The following CRPPA variants were observed in gnomAD, a reference collection of about 807,000 sequenced individuals.
The protein encoded by CRPPA is CDP-L-ribitol pyrophosphorylase A, also known as D-ribitol-5-phosphate cytidylyltransferase.
A neutral mutation model predicts 52.0 loss-of-function variants in CRPPA; 43 were observed. That is an observed-to-expected ratio of 0.83 (90% CI 0.65 to 1.07). The LOEUF (loss-of-function observed/expected upper bound fraction) is 1.07. Among genes scored for constraint, CRPPA ranks in the 50% least tolerant of loss-of-function variants. CRPPA has a pLI of 0.00. For missense variants in CRPPA, 629 were observed against 551.7 expected (o/e 1.14, Z -1.40); for synonymous variants, 250 against 203.5 (o/e 1.23, Z -1.94).
At chr7:16,172,819 A>C in intron 9 of CRPPA, among the ~76,000 whole-genome samples, 1 of 152,306 alleles carries the variant, frequency 6.6e-6, no homozygotes, top group South Asian at 2.1e-4. Context: ...AGAAAAATCA[A>C]TTTAAGTATC....
intron 4 of CRPPA, among the ~76,000 whole-genome samples, chr7:16,307,523 A>C (rs1164429798): frequency 6.6e-6 from 1 of 151,880 alleles, no homozygotes; most frequent in Non-Finnish European, 1.5e-5. Flanking sequence ...CTCTACTAAA[A>C]ATACAAAAAT....
chr7:16,408,748 T>G (rs944291596), intron 1 of CRPPA, among the ~76,000 whole-genome samples: 1 of 152,158 alleles, frequency 6.6e-6, no homozygotes, highest in East Asian at 1.9e-4. Context: ...TTTTGAAATA[T>G]GGAGATGGTC....
rs2128321593 is a variant in CRPPA at position 16,421,422 on chromosome 7, G to A, written c.-100C>T. On this transcript the variant is annotated 5_prime_UTR_variant, in exon 1 of 10. Coordinates refer to ENST00000407010, the MANE Select transcript of CRPPA (RefSeq NM_001101426.4). ...GTCGCGGGGCGAAGGGCAGACCACG[G>A]AGAGGGACGCAGAGCGCGCAAGCAG... The A allele has an allele frequency of 8.8e-7, 1 of 1,138,402 alleles. No homozygotes were observed. The highest frequency in any genetic ancestry group is 1.6e-5 in the African/African-American group (1 of 62,134). 70.5% of individuals were successfully genotyped at this position (1,138,402 alleles called of 1,614,324 possible). A position where few individuals can be genotyped will look rare whatever the true frequency, so the allele number is the denominator to read the frequency against.
In CRPPA at chr7:16,087,984, A is replaced by T. The variant is rs1215812878; in HGVS notation, c.*3711T>A. ...TTGAGTTATAAGTTAGGGAAGAAAA[A>T]ATTTCTGTTAAATTAATGTAAAATA... On this transcript the variant is annotated 3_prime_UTR_variant, in exon 10 of 10. Coordinates refer to ENST00000407010, the MANE Select transcript of CRPPA (RefSeq NM_001101426.4). The T allele has an allele frequency of 1.3e-5, 2 of 152,144 alleles. No individual in the cohort carries two copies. Among genetic ancestry groups the T allele is most frequent in the Admixed American group, 1.3e-4 (2 of 15,284 alleles). The allele number at this position is 152,144 out of a possible 1,614,324, so 9.4% of individuals were successfully genotyped here.
At chr7:16,378,475 G>A (rs1183900454) in intron 2 of CRPPA, among the ~76,000 whole-genome samples, 2 of 151,694 alleles carry the variant, frequency 1.3e-5, no homozygotes, top group African/African-American at 2.4e-5. Context: ...ATTCTATGGT[G>A]TATATGTGCC....
At chr7:16,288,845 CAAAAAAAAAA>C (rs71007760) in intron 5 of CRPPA, among the ~76,000 whole-genome samples, 1 of 34,840 alleles carries the variant, frequency 2.9e-5, no homozygotes, top group African/African-American at 1.1e-4. Flanking sequence ...GACTCTGCCT[CAAAAAAAAAA>C]AAAAAAAAAA....
chr7:16,316,077 T>A (rs1298157617), intron 3 of CRPPA, among the ~76,000 whole-genome samples: 2 of 152,034 alleles, frequency 1.3e-5, no homozygotes, highest in South Asian at 2.1e-4. Context: ...TAGTAGGACA[T>A]GGTAATCTAT....
intron 8 of CRPPA, among the ~76,000 whole-genome samples, chr7:16,239,153 A>AAAAAAAAAAAAAAAAC (rs1431467364): frequency 3.3e-5 from 5 of 151,090 alleles, no homozygotes; most frequent in South Asian, 2.1e-4. Context: ...AAAAAAAAAA[A>AAAAAAAAAAAAAAAAC]AAAAGCCATT....
intron 2 of CRPPA, among the ~76,000 whole-genome samples, chr7:16,389,830 A>G (rs1359668168): frequency 1.3e-5 from 2 of 149,710 alleles, no homozygotes; most frequent in East Asian, 3.9e-4. Flanking sequence ...ATGATCCTGT[A>G]TATAGAAGAC....
At chr7:16,385,044 G>A (rs779707742) in intron 2 of CRPPA, among the ~76,000 whole-genome samples, 19 of 152,082 alleles carry the variant, frequency 1.2e-4, no homozygotes, top group Non-Finnish European at 2.5e-4. Context: ...CATTTATAAA[G>A]GAGCTCAGTG....
intron 9 of CRPPA, among the ~76,000 whole-genome samples, chr7:16,097,894 C>G (rs17286418): frequency 0.28 from 42,687 of 152,096 alleles, 7,634 homozygotes; most frequent in Admixed American, 0.39. Context: ...TAGCACCTTG[C>G]AAGTGTATAA....
chr7:16,098,986 T>C (rs1781985456), intron 9 of CRPPA, among the ~76,000 whole-genome samples: 1 of 152,212 alleles, frequency 6.6e-6, no homozygotes, highest in South Asian at 2.1e-4. Context: ...CTGATTAACA[T>C]AATCATCGCA....
Position 16,247,142 on chromosome 7 carries a change from T to C in CRPPA, c.1119+11248A>G, listed in dbSNP as rs1783298620. ...GCACTTGCTGCTTGACCTTGCACTT[T>C]TCTGTTATGAAGACAATTCTGTCTT... On this transcript the variant is annotated intron_variant, in intron 8 of 9. Coordinates refer to ENST00000407010, the MANE Select transcript of CRPPA (RefSeq NM_001101426.4). Among the ~76,000 whole-genome samples the C allele has an allele frequency of 2.6e-5, 4 of 152,356 alleles. No homozygotes were observed. The South Asian group carries it at 8.3e-4, about 32-fold the overall frequency.
chr7:16,242,550 A>G (rs1292655973), intron 8 of CRPPA, among the ~76,000 whole-genome samples: 1 of 152,212 alleles, frequency 6.6e-6, no homozygotes, highest in African/African-American at 2.4e-5. Context: ...CAGAAGGCTA[A>G]CAATAACTTC....
At chr7:16,163,497 G>C (rs1780966321) in intron 9 of CRPPA, among the ~76,000 whole-genome samples, 1 of 151,980 alleles carries the variant, frequency 6.6e-6, no homozygotes, top group Non-Finnish European at 1.5e-5. Context: ...TTTTAATTCA[G>C]GCATTAATCC....
At chr7:16,342,850 CATATATAGAT>C (rs1403456741) in intron 3 of CRPPA, among the ~76,000 whole-genome samples, 4 of 124,712 alleles carry the variant, frequency 3.2e-5, no homozygotes, top group African/African-American at 1.1e-4. Context: ...TATAGATATA[CATATATAGAT>C]ATATAGAGAT....
intron 9 of CRPPA, among the ~76,000 whole-genome samples, chr7:16,212,996 GGCTT>G (rs1313306295): frequency 2.0e-5 from 3 of 152,156 alleles, no homozygotes; most frequent in Non-Finnish European, 4.4e-5. Flanking sequence ...ATATTTTACA[GGCTT>G]TAAAATTTTT....
rs939418380 is a variant in CRPPA at position 16,295,819 on chromosome 7, C to T, written c.835+5602G>A. On this transcript the variant is annotated intron_variant, in intron 5 of 9. Coordinates refer to ENST00000407010, the MANE Select transcript of CRPPA (RefSeq NM_001101426.4). ...GCAGAGCAGACTTGGGTGGGCTCAA[C>T]CAGCTTGGGCAACAAAACTACAATA... 5.3e-5 allele frequency among the ~76,000 whole-genome samples: 8 copies of T among 152,198 alleles called. No homozygotes were observed. The South Asian group carries it at 1.7e-3, about 32-fold the overall frequency.
intron 2 of CRPPA, among the ~76,000 whole-genome samples, chr7:16,378,352 C>T (rs1015187051): frequency 6.9e-6 from 1 of 145,942 alleles, no homozygotes; most frequent in Non-Finnish European, 1.5e-5. Context: ...TGAGTGAGAA[C>T]ATGCGGTGTT....
Sources: allele counts gnomAD v4.1 joint callset (sites outside exome capture counted in the v4.1 genomes callset), GRCh38; gene constraint gnomAD v4.1.1; transcripts MANE v1.5; gene names NCBI Gene and HGNC (gene_info 2026-07-23, HGNC 2026-07-21).